GADL1: variants seen among roughly 807,000 people sequenced by gnomAD.
GADL1 encodes the protein acidic amino acid decarboxylase GADL1.
In GADL1, 71 loss-of-function variants were observed where a neutral mutation model predicts 69.5. The ratio of observed to expected loss-of-function variants is 1.02; its 90% CI spans 0.84 to 1.25. The LOEUF is 1.25. Among genes scored for constraint, GADL1 ranks in the 50% most tolerant of loss-of-function variants. The pLI is 0.00. For missense variants in GADL1, 737 were observed against 631.8 expected (o/e 1.17, Z -1.79); for synonymous variants, 254 against 214.4 (o/e 1.18, Z -1.62).
intron 11 of GADL1, among the ~76,000 whole-genome samples, chr3:30,803,605 C>A (rs1397887987): frequency 6.6e-6 from 1 of 152,246 alleles, no homozygotes; most frequent in South Asian, 2.1e-4. Context: ...GCCAAGAAAG[C>A]AAATAGCAGA....
chr3:30,784,798 C>T (rs561703360), intron 13 of GADL1, among the ~76,000 whole-genome samples: 6 of 152,290 alleles, frequency 3.9e-5, no homozygotes, highest in African/African-American at 1.2e-4. Context: ...TGACTACATT[C>T]GGGATACAGG....
intron 14 of GADL1, among the ~76,000 whole-genome samples, chr3:30,748,128 G>A (rs1007592185): frequency 6.6e-6 from 1 of 152,146 alleles, no homozygotes; most frequent in African/African-American, 2.4e-5. Context: ...GGATGACTTG[G>A]TGTTTTCTCA....
Position 30,857,126 on chromosome 3 carries a change from G to A in GADL1, c.226C>T (p.Pro76Ser). The A allele has an allele frequency of 6.5e-7, 1 of 1,549,968 alleles. No individual in the cohort carries two copies. Among genetic ancestry groups the A allele is most frequent in the Non-Finnish European group, 8.7e-7 (1 of 1,145,704 alleles). ...AGAAGCTGTTTCAGTTGTTCAGGAGGCCTCCATTCACACACCTGGAGATTC... is the reference window on the plus strand; with the variant it reads ...AGAAGCTGTTTCAGTTGTTCAGGAGACCTCCATTCACACACCTGGAGATTC... The part of the protein sequence containing the change: ...DVNEKVCEWR[P>S]PEQLKQLLDL... Residue 76 changes from proline (P) to serine (S), a missense_variant, in exon 3 of 15, where the codon CCT (proline) becomes TCT (serine). Physicochemically the swap from Pro to Ser is moderately conservative, Grantham distance 74. Transcript: ENST00000282538.
intron 14 of GADL1, among the ~76,000 whole-genome samples, chr3:30,765,240 A>C (rs1442065630): frequency 6.6e-6 from 1 of 152,130 alleles, no homozygotes; most frequent in Non-Finnish European, 1.5e-5. Flanking sequence ...ACTCATAAGA[A>C]GTGGTGGCTC....
At chr3:30,771,671 C>T (rs1162199455) in intron 14 of GADL1, among the ~76,000 whole-genome samples, 1 of 152,158 alleles carries the variant, frequency 6.6e-6, no homozygotes, top group Admixed American at 6.5e-5. Flanking sequence ...CATCTTTGAA[C>T]ATTTTTTAAA....
At chr3:30,826,934 G>C (rs113541024) in intron 11 of GADL1, among the ~76,000 whole-genome samples, 1 of 151,828 alleles carries the variant, frequency 6.6e-6, no homozygotes, top group Non-Finnish European at 1.5e-5. Context: ...AAGTGCCAAC[G>C]TGGGATGGGA....
intron 1 of GADL1, among the ~76,000 whole-genome samples, chr3:30,862,055 A>T (rs942695568): frequency 6.6e-6 from 1 of 151,930 alleles, no homozygotes; most frequent in African/African-American, 2.4e-5. Flanking sequence ...CTCCTAATTC[A>T]GTGCAATTTC....
chr3:30,845,524 A>C (rs922594267), intron 6 of GADL1, among the ~76,000 whole-genome samples: 10 of 152,248 alleles, frequency 6.6e-5, no homozygotes, highest in East Asian at 5.8e-4. Context: ...TTTTGTCAGG[A>C]GAGTTTTATT....
Position 30,726,434 on chromosome 3 carries a change from A to G in GADL1, c.*1808T>C, listed in dbSNP as rs1695367556. ...AATTGTTACAAACATCAATTTTAGA[A>G]ATATTTTATGTAGACATTAAAACAA... On this transcript the variant is annotated 3_prime_UTR_variant, in exon 15 of 15. Transcript: ENST00000282538. 6.6e-6 allele frequency: 1 copy of G among 152,084 alleles called. No individual in the cohort carries two copies. Among genetic ancestry groups the G allele is most frequent in the African/African-American group, 2.4e-5 (1 of 41,418 alleles). 9.4% of individuals were successfully genotyped at this position (152,084 alleles called of 1,614,324 possible).
intron 1 of GADL1, among the ~76,000 whole-genome samples, chr3:30,863,031 A>T (rs1270829588): frequency 2.1e-5 from 3 of 146,054 alleles, no homozygotes; most frequent in South Asian, 2.2e-4. Context: ...TCTGTTTCAC[A>T]CACACACACA....
intron 11 of GADL1, 78 bp downstream of exon 11, chr3:30,833,775 T>C: frequency 3.1e-6 from 3 of 963,706 alleles, no homozygotes; most frequent in East Asian, 2.4e-5. Context: ...CACCAAGAGA[T>C]GAGCAAAAAT....
chr3:30,871,120 G>A (rs1242201638), intron 1 of GADL1, among the ~76,000 whole-genome samples: 4 of 150,776 alleles, frequency 2.7e-5, no homozygotes, highest in African/African-American at 7.3e-5. Flanking sequence ...AAGGGGCAGG[G>A]TCTGTAAATG....
chr3:30,839,735 C>A (rs1697936338), intron 8 of GADL1, among the ~76,000 whole-genome samples: 1 of 152,106 alleles, frequency 6.6e-6, no homozygotes. Flanking sequence ...AAAAGAAAAT[C>A]TGTGTCACTT....
intron 1 of GADL1, among the ~76,000 whole-genome samples, chr3:30,877,955 ACAC>A (rs1209065588): frequency 6.6e-6 from 1 of 151,918 alleles, no homozygotes; most frequent in East Asian, 1.9e-4. Flanking sequence ...TATTAGCACT[ACAC>A]CAAAAAATCT....
intron 9 of GADL1, among the ~76,000 whole-genome samples, chr3:30,835,881 T>C (rs1347424612): frequency 6.6e-6 from 1 of 152,004 alleles, no homozygotes; most frequent in Non-Finnish European, 1.5e-5. Flanking sequence ...CTTACTTGGA[T>C]TCACAATGGA....
intron 14 of GADL1, among the ~76,000 whole-genome samples, chr3:30,746,623 GTTTTC>G (rs981959771): frequency 6.6e-6 from 1 of 152,154 alleles, no homozygotes; most frequent in Non-Finnish European, 1.5e-5. Flanking sequence ...GTTAGGAGGA[GTTTTC>G]TTCTCTTTTT....
intron 7 of GADL1, 34 bp downstream of exon 7, chr3:30,844,353 C>T: frequency 6.3e-7 from 1 of 1,579,370 alleles, no homozygotes; most frequent in Non-Finnish European, 8.7e-7. Context: ...CTTTTCCCTC[C>T]ACCCACCAGG....
At chr3:30,809,147 C>G (rs1464637655) in intron 11 of GADL1, among the ~76,000 whole-genome samples, 1 of 152,202 alleles carries the variant, frequency 6.6e-6, no homozygotes, top group East Asian at 1.9e-4. Context: ...TAATCCAAAG[C>G]AGGTATTCTT....
chr3:30,763,125 G>A (rs554426850), intron 14 of GADL1, among the ~76,000 whole-genome samples: 1 of 152,236 alleles, frequency 6.6e-6, no homozygotes, highest in African/African-American at 2.4e-5. Context: ...CATGTGTCAA[G>A]TAGAACTCTG....
Sources: gnomAD v4.1 joint callset for allele counts (sites outside exome capture counted in the v4.1 genomes callset) on GRCh38, gnomAD v4.1.1 for gene constraint, MANE v1.5 for transcripts, NCBI Gene and HGNC (gene_info 2026-07-23, HGNC 2026-07-21) for gene names.